Variants in ONECUT2 observed in about 807,000 individuals in gnomAD.
ONECUT2 encodes one cut homeobox 2.
A neutral mutation model predicts 27.9 loss-of-function variants in ONECUT2; 10 were observed. The ratio of observed to expected loss-of-function variants is 0.36; its 90% CI spans 0.22 to 0.61. The LOEUF (loss-of-function observed/expected upper bound fraction) is 0.61, where lower values mean the gene tolerates loss of function less well. Ranked by LOEUF, ONECUT2 falls within the 20% of genes least tolerant of loss-of-function variation. The pLI is 0.73. For missense variants in ONECUT2, 686 were observed against 721.0 expected, an observed-to-expected ratio of 0.95 and a Z score of 0.56; for synonymous variants, 334 against 315.1, an observed-to-expected ratio of 1.06 and a Z score of -0.64.
Position 57,489,356 on chromosome 18 carries a change from G to A in ONECUT2, c.*12633G>A, listed in dbSNP as rs926983903. ...TCTGGAAAAATACAAGAGGGAAAAGGAGACCCCACTATCTCCCTGTGCTTT... is the reference window on the plus strand; with the variant it reads ...TCTGGAAAAATACAAGAGGGAAAAGAAGACCCCACTATCTCCCTGTGCTTT... On this transcript the variant is annotated 3_prime_UTR_variant, in exon 2 of 2. Transcript: ENST00000491143. 1.3e-5 allele frequency: 2 copies of A among 152,192 alleles called. No homozygotes were observed. Among genetic ancestry groups the A allele is most frequent in the African/African-American group, 2.4e-5 (1 of 41,442 alleles). The allele number at this position is 152,192 out of a possible 1,614,324, so 9.4% of individuals were successfully genotyped here.
Position 57,436,664 on chromosome 18 carries a change from C to T in ONECUT2, c.948C>T (p.Pro316=), listed in dbSNP as rs1327309001. 6.2e-7 allele frequency: 1 copy of T among 1,612,780 alleles called. No homozygotes were observed. Among genetic ancestry groups the T allele is most frequent in the African/African-American group, 1.3e-5 (1 of 74,946 alleles). ...TGGCACCCAGTCGCGAGCGGCCACC[C>T]TCGTCCTCATCGGGCTCGCAGGTGG... ...PVLAPSRERP[P]SSSSGSQVAT... is the part of the protein sequence containing the mutation. The change falls in exon 1 of 2, where the codon CCC becomes CCT. Residue 316 remains proline (P), a synonymous_variant. Transcript: ENST00000491143. The surrounding 1 kb of genome is among the most constrained non-coding windows in gnomAD (Gnocchi z 5.9).
At position 57,436,808 on chromosome 18, in the gene ONECUT2, T is replaced by C. The variant is rs371669165; in HGVS notation, c.1092T>C (p.Ser364=). The C allele has an allele frequency of 5.0e-6, 8 of 1,613,998 alleles. No homozygotes were observed. In the Middle Eastern group the frequency reaches 4.9e-4, roughly 100 times the overall value. ...AIFAQRVLCR[S]QGTLSDLLRN... is the part of the protein sequence containing the mutation. ...TTGCGCAGAGGGTGCTGTGCCGGTC[T>C]CAGGGGACTCTCTCCGACCTGCTCC... Residue 364 remains serine (S), a synonymous_variant, in exon 1 of 2, where the codon TCT becomes TCC. Coordinates refer to ENST00000491143, the MANE Select transcript of ONECUT2 (RefSeq NM_004852.3). The surrounding 1 kb of genome is among the most constrained non-coding windows in gnomAD (Gnocchi z 5.9).
rs1375701302 is a variant in ONECUT2 at position 57,486,244 on chromosome 18, C to G, written c.*9521C>G. The stretch of plus-strand genomic sequence containing the variant: ...AAGCAACGATTTAGCCAGTCTGGAC[C>G]TCTCTGTGCTTTTTTTAATTCTTCC... On this transcript the variant is annotated 3_prime_UTR_variant, in exon 2 of 2. Transcript: ENST00000491143. 2 of 152,586 alleles carry G rather than the reference C, an allele frequency of 1.3e-5. No homozygotes were observed. Among genetic ancestry groups the G allele is most frequent in the Non-Finnish European group, 2.9e-5 (2 of 68,046 alleles). 9.5% of individuals were successfully genotyped at this position (152,586 alleles called of 1,614,324 possible). A position where few individuals can be genotyped will look rare whatever the true frequency, so the allele number is the denominator to read the frequency against.
chr18:57,455,492 T>TGA (rs770858283), intron 1 of ONECUT2, among the ~76,000 whole-genome samples: 11 of 152,162 alleles, frequency 7.2e-5, no homozygotes, highest in Admixed American at 3.3e-4. Flanking sequence ...TCATGAAAAA[T>TGA]TATAACACTA....
chr18:57,448,112 G>A (rs2050210995), intron 1 of ONECUT2, among the ~76,000 whole-genome samples: 2 of 151,956 alleles, frequency 1.3e-5, no homozygotes, highest in Admixed American at 6.5e-5. Context: ...AGTCCTTTTG[G>A]TCAATGATTG....
chr18:57,455,656 C>G (rs1457906442), intron 1 of ONECUT2, among the ~76,000 whole-genome samples: 1 of 152,146 alleles, frequency 6.6e-6, no homozygotes, highest in African/African-American at 2.4e-5. Context: ...TCCACAGGAG[C>G]ATCTCGGGAA....
chr18:57,471,874 C>T (rs1389643024), intron 1 of ONECUT2, among the ~76,000 whole-genome samples: 1 of 152,150 alleles, frequency 6.6e-6, no homozygotes, highest in Non-Finnish European at 1.5e-5. Context: ...ACCTGCTTCC[C>T]TGTGAGAGGG....
chr18:57,436,628 C>T lies in ONECUT2; in HGVS notation c.912C>T (p.His304=), dbSNP rs373672103. 1.4e-5 allele frequency: 23 copies of T among 1,611,338 alleles called. No homozygotes were observed. The highest frequency in any genetic ancestry group is 1.9e-5 in the Non-Finnish European group (23 of 1,179,866). Residue 304 remains histidine (H), a synonymous_variant, in exon 1 of 2, where the codon CAC becomes CAT. Transcript: ENST00000491143. This position sits in a 1 kb window ranked among gnomAD's most constrained non-coding sequence, Gnocchi z 5.9. ...GLHHPGHTQS[H]GPVLAPSRER... ...ACCACCCGGGCCACACTCAGTCTCA[C>T]GGGCCGGTGCTGGCACCCAGTCGCG...
chr18:57,436,960 GC>G lies in ONECUT2; in HGVS notation c.1228+18del, dbSNP rs2050146265. ...CGCCTGGCAGGTAAGGCCGGGGCTA[GC>G]CAGGGGCCAGGCTGCTGGGAAGAGG... On this transcript the variant is annotated intron_variant, in intron 1 of 1. Coordinates refer to ENST00000491143, the MANE Select transcript of ONECUT2 (RefSeq NM_004852.3). The surrounding 1 kb of genome is among the most constrained non-coding windows in gnomAD (Gnocchi z 5.9). The G allele has an allele frequency of 2.6e-6, 4 of 1,560,760 alleles. No individual in the cohort carries two copies. Among genetic ancestry groups the G allele is most frequent in the Middle Eastern group, 1.8e-4 (1 of 5,636 alleles).
In ONECUT2 at chr18:57,446,868, C is replaced by T. The variant is rs531380663; in HGVS notation, c.1228+9924C>T. On this transcript the variant is annotated intron_variant, in intron 1 of 1. Coordinates refer to ENST00000491143, the MANE Select transcript of ONECUT2 (RefSeq NM_004852.3). The stretch of plus-strand genomic sequence containing the variant: ...AGAAGCAAAGAAAGCAAAAAATAGC[C>T]GTGGGAGGGAAAACGAATGATTATG... 1.9e-3 allele frequency among the ~76,000 whole-genome samples: 283 copies of T among 152,150 alleles called. 3 individuals are homozygous for T. The highest frequency in any genetic ancestry group is 3.2e-3 in the Non-Finnish European group (216 of 67,994).
rs999526808 is a variant in ONECUT2 at position 57,476,951 on chromosome 18, C to G, written c.*228C>G. ...CAAGTGCAAGCTGAAAAATTAATCTCTTAGAACCAGACACTGTTCTCTGAG... is the reference window on the plus strand; with the variant it reads ...CAAGTGCAAGCTGAAAAATTAATCTGTTAGAACCAGACACTGTTCTCTGAG... On this transcript the variant is annotated 3_prime_UTR_variant, in exon 2 of 2. Transcript: ENST00000491143. 1 of 575,568 alleles carries G rather than the reference C, an allele frequency of 1.7e-6. No homozygotes were observed. The highest frequency in any genetic ancestry group is 3.0e-6 in the Non-Finnish European group (1 of 328,520). The allele number at this position is 575,568 out of a possible 1,614,324, so 35.7% of individuals were successfully genotyped here. A position where few individuals can be genotyped will look rare whatever the true frequency, so the allele number is the denominator to read the frequency against.
rs1343859455 is a variant in ONECUT2, at chr18:57,487,081, CTG to C, written c.*10361_*10362del. The C allele has an allele frequency of 1.8e-4, 28 of 152,760 alleles. No individual in the cohort carries two copies. Among genetic ancestry groups the C allele is most frequent in the African/African-American group, 6.5e-4 (27 of 41,562 alleles). The allele number at this position is 152,760 out of a possible 1,614,324, so 9.5% of individuals were successfully genotyped here. A position where few individuals can be genotyped will look rare whatever the true frequency, so the allele number is the denominator to read the frequency against. The stretch of plus-strand genomic sequence containing the variant: ...GTGGAACAGTTGTGTATACATTAAA[CTG>C]TGAAAATGTACACAGTTCAGCCTCA... On this transcript the variant is annotated 3_prime_UTR_variant, in exon 2 of 2. Transcript: ENST00000491143.
At chr18:57,459,106 G>A (rs1465544589) in intron 1 of ONECUT2, among the ~76,000 whole-genome samples, 1 of 151,974 alleles carries the variant, frequency 6.6e-6, no homozygotes, top group Admixed American at 6.6e-5. Flanking sequence ...TTACAAATGT[G>A]GTCTCAGTTC....
Position 57,487,422 on chromosome 18 carries a change from T to C in ONECUT2, c.*10699T>C, listed in dbSNP as rs1045739261. ...ACCTAACTGGCCATGTATATGTAGA[T>C]GCAAATTCATCTAGCTGTGGCCCTC... On this transcript the variant is annotated 3_prime_UTR_variant, in exon 2 of 2. Coordinates refer to ENST00000491143, the MANE Select transcript of ONECUT2 (RefSeq NM_004852.3). 1 of 152,178 alleles carries C rather than the reference T, an allele frequency of 6.6e-6. No individual in the cohort carries two copies. Among genetic ancestry groups the C allele is most frequent in the Admixed American group, 6.6e-5 (1 of 15,262 alleles). The allele number at this position is 152,178 out of a possible 1,614,324, so 9.4% of individuals were successfully genotyped here. A position where few individuals can be genotyped will look rare whatever the true frequency, so the allele number is the denominator to read the frequency against.
At chr18:57,472,301 C>T (rs917796869) in intron 1 of ONECUT2, among the ~76,000 whole-genome samples, 1 of 152,216 alleles carries the variant, frequency 6.6e-6, no homozygotes, top group Non-Finnish European at 1.5e-5. Flanking sequence ...GCACACCTGG[C>T]TCCACAGCCC....
chr18:57,450,515 T>C (rs564624189), intron 1 of ONECUT2, among the ~76,000 whole-genome samples: 1 of 152,370 alleles, frequency 6.6e-6, no homozygotes, highest in South Asian at 2.1e-4. Flanking sequence ...TTGGTCATTG[T>C]TGGAAATATT....
chr18:57,464,872 T>C (rs989424574), intron 1 of ONECUT2, among the ~76,000 whole-genome samples: 3 of 152,236 alleles, frequency 2.0e-5, no homozygotes, highest in Non-Finnish European at 4.4e-5. Flanking sequence ...CTTTTAAGTT[T>C]GATTAAATTC....
chr18:57,487,920 C>A lies in ONECUT2; in HGVS notation c.*11197C>A, dbSNP rs1180302159. 2 of 152,160 alleles carry A rather than the reference C, an allele frequency of 1.3e-5. No individual in the cohort carries two copies. The highest frequency in any genetic ancestry group is 2.9e-5 in the Non-Finnish European group (2 of 68,032). The allele number at this position is 152,160 out of a possible 1,614,324, so 9.4% of individuals were successfully genotyped here. A position where few individuals can be genotyped will look rare whatever the true frequency, so the allele number is the denominator to read the frequency against. ...AGACCCATTCTCCAGTTTCATATTT[C>A]CCAAACCAAAATGCTTGACATAAAG... On this transcript the variant is annotated 3_prime_UTR_variant, in exon 2 of 2. Transcript: ENST00000491143.
At chr18:57,460,915 G>T (rs1421052267) in intron 1 of ONECUT2, among the ~76,000 whole-genome samples, 1 of 151,978 alleles carries the variant, frequency 6.6e-6, no homozygotes, top group African/African-American at 2.4e-5. Context: ...GGTCTCAAAT[G>T]CCTGAGTTCA....
Sources: allele counts gnomAD v4.1 joint callset (sites outside exome capture counted in the v4.1 genomes callset), GRCh38; gene constraint gnomAD v4.1.1; non-coding constraint Gnocchi (gnomAD v3.1); transcripts MANE v1.5; gene names NCBI Gene and HGNC (gene_info 2026-07-23, HGNC 2026-07-21).